The following PAMR1 variants were observed in gnomAD, a reference collection of about 807,000 sequenced individuals.
PAMR1 encodes inactive serine protease PAMR1.
A neutral mutation model predicts 81.8 loss-of-function variants in PAMR1; 88 were observed. The observed-to-expected ratio is 1.08, with a 90% CI of 0.91 to 1.28. The LOEUF (loss-of-function observed/expected upper bound fraction) is 1.28. PAMR1 is among the 50% of genes most tolerant of loss of function. PAMR1 has a pLI of 0.00. For synonymous variants in PAMR1, 336 were observed against 345.3 expected (o/e 0.97, Z 0.30); for missense variants, 935 against 919.7 (o/e 1.02, Z -0.21).
intron 6 of PAMR1, among the ~76,000 whole-genome samples, chr11:35,460,343 T>C (rs1447013566): frequency 6.6e-6 from 1 of 152,014 alleles, no homozygotes; most frequent in Admixed American, 6.5e-5. Flanking sequence ...TTTTTTTCTA[T>C]ACTTTAAGTT....
Position 35,466,106 on chromosome 11 carries a change from C to T in PAMR1, c.820+1895G>A, listed in dbSNP as rs373086428. On this transcript the variant is annotated intron_variant, in intron 6 of 10. Transcript: ENST00000619888. Reference sequence around the variant, plus strand: ...TTTTTTATCAAAGTATTGTGTAATTCGTTCATCAAGAAATTAAGCCTTCCC... The same window carrying T: ...TTTTTTATCAAAGTATTGTGTAATTTGTTCATCAAGAAATTAAGCCTTCCC... Among the ~76,000 whole-genome samples, 44 of 151,124 alleles carry T rather than the reference C, an allele frequency of 2.9e-4. 1 individual carries two copies. In the South Asian group the frequency reaches 6.7e-3, roughly 23 times the overall value.
At chr11:35,522,161 A>G (rs1259451953) in intron 1 of PAMR1, among the ~76,000 whole-genome samples, 3 of 152,112 alleles carry the variant, frequency 2.0e-5, no homozygotes, top group African/African-American at 7.2e-5. Context: ...TGACCTCGTG[A>G]TCTGCCCGCC....
intron 3 of PAMR1, among the ~76,000 whole-genome samples, chr11:35,479,813 A>G (rs1183341925): frequency 6.6e-6 from 1 of 152,216 alleles, no homozygotes; most frequent in Non-Finnish European, 1.5e-5. Flanking sequence ...CAGAAAAGTT[A>G]TTTATCCCTC....
chr11:35,452,776 A>G (rs113528545), intron 6 of PAMR1, among the ~76,000 whole-genome samples: 5,766 of 152,254 alleles, frequency 0.038, 373 homozygotes, highest in African/African-American at 0.13. Flanking sequence ...TCAGTCTTTC[A>G]TGCCTATTTT....
intron 3 of PAMR1, among the ~76,000 whole-genome samples, chr11:35,477,462 T>C (rs1480807065): frequency 4.6e-5 from 7 of 152,216 alleles, no homozygotes; most frequent in Non-Finnish European, 5.9e-5. Flanking sequence ...GTTATCCTAA[T>C]GGTAAAGCAG....
chr11:35,435,245 G>T (rs568396955), intron 9 of PAMR1, among the ~76,000 whole-genome samples: 6 of 152,142 alleles, frequency 3.9e-5, no homozygotes, highest in Non-Finnish European at 1.5e-5. Context: ...TTCTCCTTTC[G>T]CAAAGAGGAT....
At chr11:35,502,688 A>AT (rs999456405) in intron 1 of PAMR1, among the ~76,000 whole-genome samples, 6 of 151,884 alleles carry the variant, frequency 4.0e-5, no homozygotes, top group Admixed American at 2.0e-4. Context: ...TTTAAATCAG[A>AT]TTTTTTTTGA....
upstream of PAMR1, among the ~76,000 whole-genome samples, chr11:35,528,587 G>C (rs2135433830): frequency 6.6e-6 from 1 of 152,176 alleles, no homozygotes; most frequent in Admixed American, 6.5e-5. Context: ...ACTTTTGTTT[G>C]TTTTTCTCTT....
chr11:35,515,121 C>T (rs555140893), intron 1 of PAMR1, among the ~76,000 whole-genome samples: 1 of 152,330 alleles, frequency 6.6e-6, no homozygotes, highest in East Asian at 1.9e-4. Flanking sequence ...AATCCAATCT[C>T]GTTTTCCCAA....
intron 1 of PAMR1, among the ~76,000 whole-genome samples, chr11:35,507,881 A>G (rs1253816445): frequency 6.6e-6 from 1 of 151,006 alleles, no homozygotes; most frequent in Non-Finnish European, 1.5e-5. Context: ...TGGCTCTAGT[A>G]AACAAACAGA....
chr11:35,436,441 C>T (rs530835946), intron 8 of PAMR1, among the ~76,000 whole-genome samples: 6 of 152,082 alleles, frequency 3.9e-5, no homozygotes, highest in African/African-American at 4.8e-5. Context: ...TGCAACACCA[C>T]GCCCAGCTAA....
Position 35,523,577 on chromosome 11 carries a change from T to G in PAMR1, c.73+1936A>C, listed in dbSNP as rs570678301. The stretch of plus-strand genomic sequence containing the variant: ...CACTCTCTGGTACCATCCCAGTGGA[T>G]GTTTACAATTCAGCAAATACTCTTT... On this transcript the variant is annotated intron_variant, in intron 1 of 10. Transcript: ENST00000619888. Among the ~76,000 whole-genome samples, 4 of 152,362 alleles carry G rather than the reference T, an allele frequency of 2.6e-5. No individual in the cohort carries two copies. The South Asian group carries it at 8.3e-4, about 32-fold the overall frequency.
intron 1 of PAMR1, among the ~76,000 whole-genome samples, chr11:35,499,847 C>A (rs56944217): frequency 3.6e-4 from 55 of 152,266 alleles, no homozygotes; most frequent in African/African-American, 1.3e-3. Context: ...ACAGATGTGA[C>A]TAGTTTAAGA....
chr11:35,491,045 G>T (rs1850615235), intron 3 of PAMR1, among the ~76,000 whole-genome samples: 1 of 152,150 alleles, frequency 6.6e-6, no homozygotes, highest in South Asian at 2.1e-4. Context: ...GCCAGGTACT[G>T]AATTAAATTT....
intron 6 of PAMR1, among the ~76,000 whole-genome samples, chr11:35,451,233 T>C (rs1329499670): frequency 6.6e-6 from 1 of 152,212 alleles, no homozygotes; most frequent in Non-Finnish European, 1.5e-5. Context: ...ATATTTAATG[T>C]GGATTTAACT....
At chr11:35,513,340 A>T (rs1404690709) in intron 1 of PAMR1, 1 of 152,248 alleles carries the variant, frequency 6.6e-6, no homozygotes, top group East Asian at 1.9e-4. Context: ...ATAGATGAGA[A>T]AACTGAGGTC....
At chr11:35,447,881 T>G (rs1455879137) in intron 6 of PAMR1, among the ~76,000 whole-genome samples, 1 of 152,204 alleles carries the variant, frequency 6.6e-6, no homozygotes, top group Non-Finnish European at 1.5e-5. Flanking sequence ...GAAAGGGATT[T>G]TATTTCTCCT....
At chr11:35,450,979 G>C (rs1856406005) in intron 6 of PAMR1, among the ~76,000 whole-genome samples, 1 of 152,232 alleles carries the variant, frequency 6.6e-6, no homozygotes, top group Non-Finnish European at 1.5e-5. Flanking sequence ...TTGCTAGCTA[G>C]AGCTCATGGC....
intron 6 of PAMR1, among the ~76,000 whole-genome samples, chr11:35,442,487 A>T (rs941115829): frequency 1.3e-5 from 2 of 152,230 alleles, no homozygotes; most frequent in Admixed American, 6.5e-5. Flanking sequence ...ACTGAATATG[A>T]CTTGCCTAAG....
Sources: allele counts gnomAD v4.1 joint callset (sites outside exome capture counted in the v4.1 genomes callset), GRCh38; gene constraint gnomAD v4.1.1; transcripts MANE v1.5; gene names NCBI Gene and HGNC (gene_info 2026-07-23, HGNC 2026-07-21).